IFT81: variants seen among roughly 807,000 people sequenced by gnomAD.
IFT81 encodes the protein intraflagellar transport 81.
Under a neutral mutation model 102.6 loss-of-function variants are expected in IFT81, and 72 were observed. The observed-to-expected ratio is 0.70, with a 90% CI of 0.58 to 0.85. IFT81 has a LOEUF of 0.85. IFT81 is among the 40% of genes least tolerant of loss of function. The pLI, the probability that IFT81 is intolerant of heterozygous loss-of-function variation, is 0.00. For synonymous variants in IFT81, 237 were observed against 242.7 expected (o/e 0.98, Z 0.22); for missense variants, 723 against 787.3 (o/e 0.92, Z 0.98).
intron 12 of IFT81, among the ~76,000 whole-genome samples, chr12:110,184,202 T>A (rs941115806): frequency 2.0e-5 from 3 of 151,838 alleles, no homozygotes; most frequent in African/African-American, 7.3e-5. Context: ...TGCAAAAAAT[T>A]ATCCGGGCGT....
chr12:110,161,648 CT>C (rs1483086510), intron 10 of IFT81, among the ~76,000 whole-genome samples: 3 of 151,092 alleles, frequency 2.0e-5, no homozygotes, highest in Non-Finnish European at 4.4e-5. Context: ...GAGTCAGGAT[CT>C]CACTATGTTG....
chr12:110,129,229 T>A (rs1894028823), intron 4 of IFT81, 99 bp downstream of exon 4: 2 of 863,628 alleles, frequency 2.3e-6, no homozygotes. Context: ...TCTTTGTAGT[T>A]CCAAGTGGCA....
chr12:110,184,166 C>T (rs181516887), intron 12 of IFT81, among the ~76,000 whole-genome samples: 223 of 152,186 alleles, frequency 1.5e-3, no homozygotes, highest in South Asian at 3.1e-3. Context: ...TTGGCTAACA[C>T]GGTGAAACCC....
At chr12:110,194,070 A>G (rs1185099290) in intron 14 of IFT81, among the ~76,000 whole-genome samples, 1 of 152,118 alleles carries the variant, frequency 6.6e-6, no homozygotes, top group East Asian at 1.9e-4. Context: ...TCACACTTTT[A>G]AACAACGAGA....
At chr12:110,141,356 A>G (rs1894878152) in intron 8 of IFT81, among the ~76,000 whole-genome samples, 1 of 152,078 alleles carries the variant, frequency 6.6e-6, no homozygotes, top group Non-Finnish European at 1.5e-5. Context: ...GATTTATTAA[A>G]CACTTTCTCT....
At chr12:110,173,707 G>C (rs1295807964) in intron 11 of IFT81, among the ~76,000 whole-genome samples, 4 of 152,160 alleles carry the variant, frequency 2.6e-5, no homozygotes, top group Admixed American at 2.6e-4. Context: ...TGTCCACTCA[G>C]GGTTAAATGG....
chr12:110,145,741 G>A (rs1363118324), intron 9 of IFT81, among the ~76,000 whole-genome samples: 2 of 151,744 alleles, frequency 1.3e-5, no homozygotes, highest in Non-Finnish European at 2.9e-5. Flanking sequence ...AGGCCTGACT[G>A]TTTTATTCTT....
Position 110,136,876 on chromosome 12 carries a change from T to C in IFT81, c.781+16T>C, listed in dbSNP as rs1299772826. The C allele has an allele frequency of 6.8e-7, 1 of 1,475,744 alleles. No individual in the cohort carries two copies. The highest frequency in any genetic ancestry group is 1.7e-5 in the Admixed American group (1 of 58,232). The allele number at this position is 1,475,744 out of a possible 1,614,324, so 91.4% of individuals were successfully genotyped here. On this transcript the variant is annotated intron_variant, in intron 8 of 18. Coordinates refer to ENST00000242591, the MANE Select transcript of IFT81 (RefSeq NM_014055.4). Reference sequence around the variant, plus strand: ...AAGCCTGAAAGTAAGTGGAAATTATTATATGGTATAGATGATTAGAAAATA... The same window carrying C: ...AAGCCTGAAAGTAAGTGGAAATTATCATATGGTATAGATGATTAGAAAATA...
chr12:110,134,855 A>C, intron 5 of IFT81, 93 bp from the exon 6 acceptor site: 1 of 866,972 alleles, frequency 1.2e-6, no homozygotes. Context: ...ATAAATGATG[A>C]AAATGTTAGA....
intron 10 of IFT81, among the ~76,000 whole-genome samples, chr12:110,158,445 A>G (rs570861098): frequency 6.6e-6 from 1 of 151,456 alleles, no homozygotes; most frequent in African/African-American, 2.4e-5. Context: ...TATGCTGCTC[A>G]AACTGGTTTC....
At chr12:110,145,400 C>T (rs1434210304) in intron 9 of IFT81, among the ~76,000 whole-genome samples, 1 of 151,164 alleles carries the variant, frequency 6.6e-6, no homozygotes, top group Non-Finnish European at 1.5e-5. Flanking sequence ...GGTTAATAGC[C>T]ACTACAATTA....
chr12:110,190,696 G>T (rs142033222), intron 12 of IFT81, among the ~76,000 whole-genome samples: 3 of 152,120 alleles, frequency 2.0e-5, no homozygotes, highest in African/African-American at 4.8e-5. Context: ...TAAAGTCTAC[G>T]ATTAGAAATA....
At chr12:110,170,866 A>G (rs1001386059) in intron 11 of IFT81, among the ~76,000 whole-genome samples, 5 of 152,234 alleles carry the variant, frequency 3.3e-5, no homozygotes, top group Non-Finnish European at 5.9e-5. Context: ...AATTCATTCT[A>G]CAGCTACTGA....
intron 9 of IFT81, among the ~76,000 whole-genome samples, chr12:110,146,240 C>T (rs1041303188): frequency 1.3e-5 from 2 of 152,146 alleles, no homozygotes; most frequent in African/African-American, 4.8e-5. Context: ...ATGCTTCTGT[C>T]AGATTTATTC....
chr12:110,143,401 G>A lies in IFT81; in HGVS notation c.801G>A (p.Glu267=). The change falls in exon 9 of 19, where the codon GAG becomes GAA. Residue 267 remains glutamate (E), a synonymous_variant. Coordinates refer to ENST00000242591, the MANE Select transcript of IFT81 (RefSeq NM_014055.4). The part of the protein sequence containing the change: ...AKPESLMKRL[E]EEIKFNLYMV... ...TTAAAGGTTTAATGAAGAGGCTAGA[G>A]GAGGAGATAAAATTTAATTTATATA... 1 of 1,393,952 alleles carries A rather than the reference G, an allele frequency of 7.2e-7. No homozygotes were observed. Among genetic ancestry groups the A allele is most frequent in the Non-Finnish European group, 9.6e-7 (1 of 1,039,280 alleles). 86.3% of individuals were successfully genotyped at this position (1,393,952 alleles called of 1,614,324 possible). A position where few individuals can be genotyped will look rare whatever the true frequency, so the allele number is the denominator to read the frequency against.
At chr12:110,166,906 T>C (rs1896464105) in intron 11 of IFT81, among the ~76,000 whole-genome samples, 2 of 152,158 alleles carry the variant, frequency 1.3e-5, no homozygotes, top group Admixed American at 6.5e-5. Flanking sequence ...TATGTAGTTA[T>C]TTGATTGATC....
chr12:110,127,631 C>A, intron 2 of IFT81, 107 bp downstream of exon 2: 1 of 1,011,376 alleles, frequency 9.9e-7, no homozygotes, highest in Non-Finnish European at 1.4e-6. Flanking sequence ...CTTTATTTTC[C>A]ATGTCTGTAA....
At chr12:110,200,046 G>C (rs978135239) in intron 14 of IFT81, among the ~76,000 whole-genome samples, 4 of 152,074 alleles carry the variant, frequency 2.6e-5, no homozygotes, top group African/African-American at 9.7e-5. Flanking sequence ...TTTCACCAAG[G>C]GTAGCCATAA....
At chr12:110,167,606 A>G (rs1896508599) in intron 11 of IFT81, among the ~76,000 whole-genome samples, 1 of 152,156 alleles carries the variant, frequency 6.6e-6, no homozygotes, top group African/African-American at 2.4e-5. Context: ...AATCTGGTTG[A>G]ATTGATAGTC....
Sources: gnomAD v4.1 joint callset for allele counts (sites outside exome capture counted in the v4.1 genomes callset) on GRCh38, gnomAD v4.1.1 for gene constraint, MANE v1.5 for transcripts, NCBI Gene and HGNC (gene_info 2026-07-23, HGNC 2026-07-21) for gene names.